The following TACC1 variants were observed in gnomAD, a reference collection of about 807,000 sequenced individuals.
TACC1 encodes transforming acidic coiled-coil containing protein 1, also known as transforming acidic coiled-coil-containing protein 1.
In TACC1, 48 loss-of-function variants were observed where a neutral mutation model predicts 84.4. The observed-to-expected ratio is 0.57, with a 90% CI of 0.45 to 0.72. The LOEUF is 0.72. Among genes scored for constraint, TACC1 ranks in the 30% least tolerant of loss-of-function variants. The probability of loss-of-function intolerance (pLI) is 0.00; values close to 1 mark genes in which losing one functional copy is unlikely to be tolerated. For synonymous variants in TACC1, 372 were observed against 376.3 expected (o/e 0.99, Z 0.13); for missense variants, 920 against 973.0 (o/e 0.95, Z 0.72).
chr8:38,769,418 CTG>C (rs747211548), intron 3 of TACC1, among the ~76,000 whole-genome samples: 2 of 102,488 alleles, frequency 2.0e-5, no homozygotes, highest in African/African-American at 4.0e-5. Flanking sequence ...GTATATGAGA[CTG>C]TATGAGGTGG....
At chr8:38,830,647 G>A (rs1226282624) in intron 5 of TACC1, among the ~76,000 whole-genome samples, 2 of 152,196 alleles carry the variant, frequency 1.3e-5, no homozygotes, top group Non-Finnish European at 2.9e-5. Flanking sequence ...CATTTGAAGG[G>A]GTGGAGGGGA....
chr8:38,734,348 A>G (rs1416094946), intron 1 of TACC1, among the ~76,000 whole-genome samples: 1 of 152,022 alleles, frequency 6.6e-6, no homozygotes, highest in East Asian at 1.9e-4. Context: ...ACCTGCCACC[A>G]CACCAGCTAA....
Position 38,849,877 on chromosome 8 carries a change from G to GTGTCTCC in TACC1, c.*1855_*1861dup, listed in dbSNP as rs1387478712. 6.6e-6 allele frequency: 1 copy of GTGTCTCC among 152,624 alleles called. No homozygotes were observed. Among genetic ancestry groups the GTGTCTCC allele is most frequent in the East Asian group, 1.9e-4 (1 of 5,204 alleles). The allele number at this position is 152,624 out of a possible 1,614,324, so 9.5% of individuals were successfully genotyped here. ...CTAGTGGTCATAGTACCAAGGGCAC[G>GTGTCTCC]TGTCTCCCCTTGGTATAACTGATTT... is the stretch of plus-strand genomic sequence containing the variant. On this transcript the variant is annotated 3_prime_UTR_variant, in exon 13 of 13. Coordinates refer to ENST00000317827, the MANE Select transcript of TACC1 (RefSeq NM_006283.3).
intron 2 of TACC1, among the ~76,000 whole-genome samples, chr8:38,789,693 T>G (rs1818192644): frequency 1.3e-5 from 2 of 152,056 alleles, no homozygotes; most frequent in South Asian, 4.1e-4. Flanking sequence ...GAAGGCAGAT[T>G]GAGGGAGCAG....
intron 1 of TACC1, among the ~76,000 whole-genome samples, chr8:38,731,487 ACACT>A (rs1804910333): frequency 6.6e-6 from 1 of 152,252 alleles, no homozygotes; most frequent in African/African-American, 2.4e-5. Context: ...CATATGATAA[ACACT>A]CAATAAATAT....
At chr8:38,773,561 T>TCTATCTATCTAGCTAGCTATCTATCTAG (rs1563381144) in intron 3 of TACC1, among the ~76,000 whole-genome samples, 2 of 150,698 alleles carry the variant, frequency 1.3e-5, no homozygotes, top group African/African-American at 2.4e-5. Flanking sequence ...TGTAAAAGTA[T>TCTATCTATCTAGCTAGCTATCTATCTAG]CTATCTATCT....
chr8:38,773,764 G>A (rs111486001), intron 3 of TACC1, among the ~76,000 whole-genome samples: 4,322 of 152,206 alleles, frequency 0.028, 185 homozygotes, highest in African/African-American at 0.092. Flanking sequence ...CTTATGTCTA[G>A]TAGGGAAAGA....
At chr8:38,840,963 C>T (rs573973917) in intron 9 of TACC1, among the ~76,000 whole-genome samples, 6 of 152,272 alleles carry the variant, frequency 3.9e-5, no homozygotes, top group East Asian at 3.9e-4. Context: ...GCAGGAGAAT[C>T]GCTTGAACCT....
intron 3 of TACC1, chr8:38,757,355 C>A: frequency 2.4e-6 from 3 of 1,266,588 alleles, no homozygotes; most frequent in Non-Finnish European, 3.1e-6. Context: ...CACTCTCAGA[C>A]CCCGAGGGGC....
chr8:38,745,171 A>G, exon 3 of TACC1: 1 of 283,162 alleles, frequency 3.5e-6, no homozygotes. Context: ...TCTCTGATCA[A>G]CCCCTGACCC....
Position 38,852,085 on chromosome 8 carries a change from G to T in TACC1, c.*4062G>T. On this transcript the variant is annotated 3_prime_UTR_variant, in exon 13 of 13. Transcript: ENST00000317827. ...GACTATCAGCGGCAGCATTCTCCAG[G>T]GAAGACCCATCCCCTAGTGCCAGAG... The T allele has an allele frequency of 2.7e-6, 1 of 367,636 alleles. No individual in the cohort carries two copies. Among genetic ancestry groups the T allele is most frequent in the Non-Finnish European group, 5.6e-6 (1 of 179,052 alleles). 22.8% of individuals were successfully genotyped at this position (367,636 alleles called of 1,614,324 possible).
rs35186549 is a variant in TACC1 at position 38,751,198 on chromosome 8, GA to G, written c.26+5715del. 1.7e-4 allele frequency among the ~76,000 whole-genome samples: 25 copies of G among 150,076 alleles called. No individual in the cohort carries two copies. In the Middle Eastern group the frequency reaches 0.01, roughly 61 times the overall value. ...TTCTCCTTTGGGATGATTGCTAAGG[GA>G]AAAAAAAAATCCATGTTGAACATAA... On this transcript the variant is annotated intron_variant, in intron 3 of 14. Transcript: ENST00000518415.
chr8:38,837,439 A>AAAT (rs1830453198), intron 7 of TACC1, among the ~76,000 whole-genome samples: 2 of 151,996 alleles, frequency 1.3e-5, no homozygotes, highest in South Asian at 4.2e-4. Context: ...AATAAAAATA[A>AAAT]AATAAAAGAC....
chr8:38,811,283 T>G (rs1824066203), intron 2 of TACC1, among the ~76,000 whole-genome samples: 1 of 151,766 alleles, frequency 6.6e-6, no homozygotes, highest in South Asian at 2.1e-4. Context: ...TAGTATTTCC[T>G]GAATCTCACT....
At chr8:38,789,246 C>A (rs1818065088) in intron 2 of TACC1, among the ~76,000 whole-genome samples, 1 of 152,184 alleles carries the variant, frequency 6.6e-6, no homozygotes, top group African/African-American at 2.4e-5. Context: ...GAATCACTCA[C>A]CTCGCCCACT....
upstream of TACC1, among the ~76,000 whole-genome samples, chr8:38,783,098 CTATCTATCTATATATATA>C (rs1195152144): frequency 1.2e-4 from 14 of 116,382 alleles, no homozygotes; most frequent in African/African-American, 4.1e-4. Context: ...ATCTATCTAT[CTATCTATCTATATATATA>C]TATATATATA....
At chr8:38,842,485 C>T in intron 10 of TACC1, 38 bp downstream of exon 10, 1 of 1,567,544 alleles carries the variant, frequency 6.4e-7, no homozygotes, top group Non-Finnish European at 8.6e-7. Context: ...GGTGTATTTC[C>T]AGTAGTGTAT....
chr8:38,731,695 CT>C (rs1563735478), intron 1 of TACC1, among the ~76,000 whole-genome samples: 1 of 152,082 alleles, frequency 6.6e-6, no homozygotes, highest in Non-Finnish European at 1.5e-5. Context: ...AGCCTAGGAC[CT>C]TCAGGGAAGA....
intron 2 of TACC1, among the ~76,000 whole-genome samples, chr8:38,798,278 A>G (rs1212099523): frequency 2.0e-5 from 3 of 152,008 alleles, no homozygotes; most frequent in African/African-American, 7.3e-5. Context: ...GTGTACCACT[A>G]CACCTGGCTT....
Sources: allele counts gnomAD v4.1 joint callset (sites outside exome capture counted in the v4.1 genomes callset), GRCh38; gene constraint gnomAD v4.1.1; transcripts MANE v1.5; gene names NCBI Gene and HGNC (gene_info 2026-07-23, HGNC 2026-07-21).